ARHGAP28: variants seen among roughly 807,000 people sequenced by gnomAD.
ARHGAP28 encodes the protein rho GTPase-activating protein 28.
Under a neutral mutation model 90.7 loss-of-function variants are expected in ARHGAP28, and 56 were observed. That is an observed-to-expected ratio of 0.62 (90% CI 0.50 to 0.77). The LOEUF is 0.77. ARHGAP28 is among the 30% of genes least tolerant of loss of function. The pLI, the probability that ARHGAP28 is intolerant of heterozygous loss-of-function variation, is 0.00. For synonymous variants in ARHGAP28, 308 were observed against 323.3 expected (o/e 0.95, Z 0.51); for missense variants, 869 against 900.9 (o/e 0.96, Z 0.45).
Position 6,912,768 on chromosome 18 carries a change from A to G in ARHGAP28, c.*614A>G, listed in dbSNP as rs939362664. On this transcript the variant is annotated 3_prime_UTR_variant, in exon 18 of 18. Transcript: ENST00000383472. ...TGTCAGGCTGTGTATTGTGACTATC[A>G]GCATTCTGGTGCAAATGAACTTTTC... 5 of 152,262 alleles carry G rather than the reference A, an allele frequency of 3.3e-5. No homozygotes were observed. Among genetic ancestry groups the G allele is most frequent in the Admixed American group, 2.6e-4 (4 of 15,286 alleles). The allele number at this position is 152,262 out of a possible 1,614,324, so 9.4% of individuals were successfully genotyped here. A position where few individuals can be genotyped will look rare whatever the true frequency, so the allele number is the denominator to read the frequency against.
chr18:6,817,768 C>A (rs2056601465), intron 1 of ARHGAP28, among the ~76,000 whole-genome samples: 1 of 152,054 alleles, frequency 6.6e-6, no homozygotes, highest in Non-Finnish European at 1.5e-5. Context: ...AGGGATGGCA[C>A]CTATATCAGG....
intron 1 of ARHGAP28, among the ~76,000 whole-genome samples, chr18:6,787,534 C>G (rs566886395): frequency 6.6e-6 from 1 of 152,178 alleles, no homozygotes; most frequent in East Asian, 1.9e-4. Context: ...AAAATTAGTT[C>G]TATCTAGGCC....
chr18:6,880,908 CTA>C (rs1159071006), intron 10 of ARHGAP28, among the ~76,000 whole-genome samples: 2 of 152,214 alleles, frequency 1.3e-5, no homozygotes, highest in African/African-American at 4.8e-5. Flanking sequence ...AGAGCCCACT[CTA>C]TCTCTTTCAT....
intron 1 of ARHGAP28, among the ~76,000 whole-genome samples, chr18:6,732,775 C>G (rs1350468857): frequency 6.6e-6 from 1 of 152,210 alleles, no homozygotes; most frequent in African/African-American, 2.4e-5. Flanking sequence ...ACACCAATTA[C>G]TACAATGTGG....
chr18:6,789,591 C>T (rs1449305680), intron 1 of ARHGAP28: 2 of 152,068 alleles, frequency 1.3e-5, no homozygotes, highest in African/African-American at 4.8e-5. Context: ...AAGGAAGATA[C>T]AGCTAATCTA....
Position 6,859,412 on chromosome 18 carries a change from A to G in ARHGAP28, c.637-396A>G, listed in dbSNP as rs558791106. Among the ~76,000 whole-genome samples the G allele has an allele frequency of 2.0e-5, 3 of 152,350 alleles. No individual in the cohort carries two copies. The South Asian group carries it at 6.2e-4, about 32-fold the overall frequency. On this transcript the variant is annotated intron_variant, in intron 4 of 17. Coordinates refer to ENST00000383472, the MANE Select transcript of ARHGAP28 (RefSeq NM_001366230.1). ...TGTGGTCCTGTCATGAGCATGTATC[A>G]AATGAACCTATATTTTTTTCTTAAT...
intron 12 of ARHGAP28, among the ~76,000 whole-genome samples, chr18:6,889,093 A>G (rs886619334): frequency 6.6e-6 from 1 of 152,184 alleles, no homozygotes; most frequent in African/African-American, 2.4e-5. Context: ...CCCTCAAATG[A>G]ATGTTAACTA....
rs1327451686 is a variant in ARHGAP28 at position 6,870,624 on chromosome 18, G to C, written c.846G>C (p.Glu282Asp). The change falls in exon 7 of 18, where the codon GAG becomes GAC. Residue 282 changes from glutamate (E) to aspartate (D), a missense_variant. Physicochemically the swap from Glu to Asp is conservative, Grantham distance 45 (BLOSUM62 2). Coordinates refer to ENST00000383472, the MANE Select transcript of ARHGAP28 (RefSeq NM_001366230.1). The stretch of plus-strand genomic sequence containing the variant: ...TTCTGGAAAAGAACATTCCACCAGA[G>C]GCTGAAGAGCTGTCATTTGAAGTGT... ...DDFLEKNIPPEAEELSFEVSY... is the reference protein window; with the variant it reads ...DDFLEKNIPPDAEELSFEVSY... The C allele has an allele frequency of 6.2e-7, 1 of 1,612,870 alleles. No individual in the cohort carries two copies. Among genetic ancestry groups the C allele is most frequent in the African/African-American group, 1.3e-5 (1 of 74,838 alleles).
intron 1 of ARHGAP28, among the ~76,000 whole-genome samples, chr18:6,802,627 T>C (rs2056490472): frequency 6.6e-6 from 1 of 152,098 alleles, no homozygotes; most frequent in Non-Finnish European, 1.5e-5. Context: ...AATTACAGGC[T>C]TTAGCCACCA....
At chr18:6,908,290 A>G (rs1037351040) in intron 16 of ARHGAP28, among the ~76,000 whole-genome samples, 1 of 152,040 alleles carries the variant, frequency 6.6e-6, no homozygotes, top group African/African-American at 2.4e-5. Context: ...GGCACATGCC[A>G]CCACGCCCGG....
Position 6,861,637 on chromosome 18 carries a change from T to C in ARHGAP28, c.726+1740T>C, listed in dbSNP as rs1019173998. On this transcript the variant is annotated intron_variant, in intron 5 of 17. Transcript: ENST00000383472. The stretch of plus-strand genomic sequence containing the variant: ...ACCACCAGAACTTGGAGGAGGATGA[T>C]TGTATGATTGAGTTGCCAAAGGAGA... Among the ~76,000 whole-genome samples, 8 of 152,114 alleles carry C rather than the reference T, an allele frequency of 5.3e-5. 1 individual carries two copies. Among genetic ancestry groups the C allele is most frequent in the Non-Finnish European group, 1.2e-4 (8 of 68,032 alleles).
At chr18:6,892,989 G>A (rs1177144470) in intron 14 of ARHGAP28, among the ~76,000 whole-genome samples, 2 of 152,214 alleles carry the variant, frequency 1.3e-5, no homozygotes, top group East Asian at 3.8e-4. Context: ...ATATTCTCAA[G>A]AATATGTTAA....
chr18:6,760,722 C>A (rs1400839086), intron 1 of ARHGAP28, among the ~76,000 whole-genome samples: 1 of 152,152 alleles, frequency 6.6e-6, no homozygotes, highest in Non-Finnish European at 1.5e-5. Flanking sequence ...ATAGAGCTTT[C>A]CCTTTAAAAC....
chr18:6,853,008 G>A (rs1249949365), intron 4 of ARHGAP28, among the ~76,000 whole-genome samples: 1 of 152,062 alleles, frequency 6.6e-6, no homozygotes. Context: ...TGATGCCAGG[G>A]CTCAATCTGA....
chr18:6,738,768 G>A (rs895979883), intron 1 of ARHGAP28, among the ~76,000 whole-genome samples: 1 of 152,140 alleles, frequency 6.6e-6, no homozygotes, highest in Non-Finnish European at 1.5e-5. Flanking sequence ...ATAAAAAGCA[G>A]AAGAGAGAGA....
intron 1 of ARHGAP28, among the ~76,000 whole-genome samples, chr18:6,768,132 A>C (rs2056214177): frequency 6.6e-6 from 1 of 151,820 alleles, no homozygotes; most frequent in Admixed American, 6.6e-5. Context: ...TATTTTGTTC[A>C]TTTCCAGAAA....
At chr18:6,840,131 G>C (rs1600233127) in intron 3 of ARHGAP28, among the ~76,000 whole-genome samples, 1 of 152,176 alleles carries the variant, frequency 6.6e-6, no homozygotes, top group East Asian at 1.9e-4. Flanking sequence ...AAAACTGCAA[G>C]TGGGTGATTT....
At chr18:6,841,463 A>G (rs1399598635) in intron 3 of ARHGAP28, among the ~76,000 whole-genome samples, 1 of 151,726 alleles carries the variant, frequency 6.6e-6, no homozygotes, top group Admixed American at 6.6e-5. Flanking sequence ...AGTAAGATAG[A>G]TAAGTATAAG....
Position 6,876,224 on chromosome 18 carries a change from T to C in ARHGAP28, c.1290+16T>C. On this transcript the variant is annotated intron_variant, in intron 10 of 17. Coordinates refer to ENST00000383472, the MANE Select transcript of ARHGAP28 (RefSeq NM_001366230.1). ...TAAAGTCAAGGTACCGAACATTTTG[T>C]CTCTTCCTAGGTAGAGTTCTAAGCT... 1 of 1,608,642 alleles carries C rather than the reference T, an allele frequency of 6.2e-7. No individual in the cohort carries two copies. The highest frequency in any genetic ancestry group is 1.1e-5 in the South Asian group (1 of 90,976).
Sources: allele counts gnomAD v4.1 joint callset (sites outside exome capture counted in the v4.1 genomes callset), GRCh38; gene constraint gnomAD v4.1.1; transcripts MANE v1.5; gene names NCBI Gene and HGNC (gene_info 2026-07-23, HGNC 2026-07-21).